Variants in RARB observed in about 807,000 individuals in gnomAD.
RARB encodes the protein HBV-activated protein.
In RARB, 17 loss-of-function variants were observed where a neutral mutation model predicts 51.9. That is an observed-to-expected ratio of 0.33 (90% CI 0.22 to 0.49). The LOEUF is 0.49. RARB is among the 20% of genes least tolerant of loss of function. The pLI, the probability that RARB is intolerant of heterozygous loss-of-function variation, is 0.99. For missense variants in RARB, 369 were observed against 550.8 expected, an observed-to-expected ratio of 0.67 and a Z score of 3.30; for synonymous variants, 215 against 195.4, an observed-to-expected ratio of 1.10 and a Z score of -0.84.
At chr3:25,139,838 T>C (rs1329659822) in intron 4 of RARB, among the ~76,000 whole-genome samples, 1 of 152,182 alleles carries the variant, frequency 6.6e-6, no homozygotes, top group African/African-American at 2.4e-5. Context: ...CTGATGACTT[T>C]AAGCCAATGC....
At chr3:25,474,426 A>G (rs1695852212) in intron 2 of RARB, among the ~76,000 whole-genome samples, 3 of 152,234 alleles carry the variant, frequency 2.0e-5, no homozygotes, top group Admixed American at 2.0e-4. Flanking sequence ...TCATTAACAT[A>G]AATAAATTCA....
intron 2 of RARB, among the ~76,000 whole-genome samples, chr3:25,025,850 C>A (rs557587148): frequency 6.6e-6 from 1 of 152,006 alleles, no homozygotes; most frequent in Non-Finnish European, 1.5e-5. Context: ...TTGCAAAACG[C>A]ATTATAAGGA....
At chr3:25,113,563 C>G (rs900316386) in intron 3 of RARB, among the ~76,000 whole-genome samples, 4 of 152,132 alleles carry the variant, frequency 2.6e-5, no homozygotes, top group Non-Finnish European at 5.9e-5. Flanking sequence ...CAGCTTCCTG[C>G]TAGTAATTGA....
intron 5 of RARB, among the ~76,000 whole-genome samples, chr3:25,215,645 G>A (rs76128895): frequency 3.3e-5 from 5 of 152,112 alleles, no homozygotes; most frequent in African/African-American, 1.2e-4. Flanking sequence ...GTATTAAGGG[G>A]ATCCTTTCTC....
chr3:25,262,425 A>G (rs1575267540), intron 5 of RARB, among the ~76,000 whole-genome samples: 1 of 152,196 alleles, frequency 6.6e-6, no homozygotes, highest in Non-Finnish European at 1.5e-5. Flanking sequence ...CAAATTTATT[A>G]CAGTTCTGCA....
Position 24,882,891 on chromosome 3 carries a change from A to C in RARB, c.-380+24139A>C, listed in dbSNP as rs138157683. On this transcript the variant is annotated intron_variant, in intron 2 of 11. Coordinates refer to the RARB transcript ENST00000383772. ...ATATGACAGAACTCTGACCAATTAC[A>C]CCTAGTTGGGAGAGTCTTCACTGGT... Among the ~76,000 whole-genome samples the C allele has an allele frequency of 1.6e-3, 237 of 152,256 alleles. 1 individual carries two copies. The highest frequency in any genetic ancestry group is 5.1e-3 in the African/African-American group (211 of 41,550).
At chr3:25,372,850 A>G (rs1706342167) in intron 5 of RARB, among the ~76,000 whole-genome samples, 2 of 152,182 alleles carry the variant, frequency 1.3e-5, no homozygotes, top group Admixed American at 6.5e-5. Flanking sequence ...AGAAAAACGT[A>G]AACTTAAAAA....
At chr3:25,042,524 T>A (rs1278110344) in intron 2 of RARB, among the ~76,000 whole-genome samples, 1 of 152,246 alleles carries the variant, frequency 6.6e-6, no homozygotes, top group Non-Finnish European at 1.5e-5. Context: ...TTCCTTGTTA[T>A]CTGAAGCTGT....
At chr3:25,112,365 T>G (rs1699617647) in intron 3 of RARB, among the ~76,000 whole-genome samples, 1 of 152,204 alleles carries the variant, frequency 6.6e-6, no homozygotes, top group African/African-American at 2.4e-5. Context: ...TCAGGCAAGT[T>G]TCTCAATCTT....
At chr3:24,917,780 G>T (rs561446206) in intron 2 of RARB, among the ~76,000 whole-genome samples, 1 of 152,312 alleles carries the variant, frequency 6.6e-6, no homozygotes, top group South Asian at 2.1e-4. Flanking sequence ...GCCTCCTTCG[G>T]CGTCCTAAAG....
intron 5 of RARB, among the ~76,000 whole-genome samples, chr3:25,281,577 G>C (rs1703523848): frequency 6.6e-6 from 1 of 152,150 alleles, no homozygotes; most frequent in South Asian, 2.1e-4. Flanking sequence ...GGATCTGTAG[G>C]CCAAACAAAT....
At chr3:24,874,566 C>T (rs1575047530) in intron 2 of RARB, among the ~76,000 whole-genome samples, 2 of 152,018 alleles carry the variant, frequency 1.3e-5, no homozygotes, top group South Asian at 2.1e-4. Context: ...CTCTGTATTG[C>T]TAGTCATGCT....
chr3:25,124,241 G>A (rs1388488488), intron 3 of RARB, among the ~76,000 whole-genome samples: 1 of 152,126 alleles, frequency 6.6e-6, no homozygotes, highest in Non-Finnish European at 1.5e-5. Context: ...GGGTGTCATG[G>A]CAGGCATTTG....
chr3:25,239,064 T>A (rs1209465865), intron 5 of RARB, among the ~76,000 whole-genome samples: 1 of 152,204 alleles, frequency 6.6e-6, no homozygotes, highest in African/African-American at 2.4e-5. Flanking sequence ...TTAGTGATGT[T>A]GAACATTTTT....
intron 3 of RARB, among the ~76,000 whole-genome samples, chr3:25,509,542 A>G (rs1697785528): frequency 6.6e-6 from 1 of 152,278 alleles, no homozygotes; most frequent in Admixed American, 6.5e-5. Flanking sequence ...CCTTAAAAAT[A>G]AAGTTTGCAA....
At chr3:25,333,381 C>T (rs542474087) in intron 5 of RARB, among the ~76,000 whole-genome samples, 42 of 152,156 alleles carry the variant, frequency 2.8e-4, no homozygotes, top group Non-Finnish European at 4.3e-4. Flanking sequence ...CACACATCTA[C>T]GACCATCTAG....
In RARB at chr3:25,421,403, C is replaced by CTTTTTTTTT. The variant is rs766378555; in HGVS notation, c.179-39770_179-39762dup. Reference sequence around the variant, plus strand: ...TTGCACTAACATTTTTTCTTCTTTTCTTTTTTTTTTTTTTTTTTTTTTTTT... The same window carrying CTTTTTTTTT: ...TTGCACTAACATTTTTTCTTCTTTTCTTTTTTTTTTTTTTTTTTTTTTTTTTTTTTTTTT... On this transcript the variant is annotated intron_variant, in intron 5 of 11. Transcript: ENST00000383772. Among the ~76,000 whole-genome samples the CTTTTTTTTT allele has an allele frequency of 6.4e-3, 462 of 72,360 alleles. 16 individuals are homozygous for CTTTTTTTTT. Among genetic ancestry groups the CTTTTTTTTT allele is most frequent in the African/African-American group, 0.018 (281 of 15,498 alleles). 47.5% of individuals were successfully genotyped at this position (72,360 alleles called of 152,430 possible).
intron 5 of RARB, among the ~76,000 whole-genome samples, chr3:25,236,827 A>G (rs1575243613): frequency 6.6e-6 from 1 of 151,848 alleles, no homozygotes; most frequent in African/African-American, 2.4e-5. Context: ...AACTTTTTTG[A>G]ATGTAAGTAT....
intron 2 of RARB, among the ~76,000 whole-genome samples, chr3:24,968,644 A>AACAT (rs1484287971): frequency 6.6e-6 from 1 of 152,100 alleles, no homozygotes; most frequent in African/African-American, 2.4e-5. Flanking sequence ...GTACATGGAT[A>AACAT]ACATCTCTTT....
Sources: gnomAD v4.1 joint callset for allele counts (sites outside exome capture counted in the v4.1 genomes callset) on GRCh38, gnomAD v4.1.1 for gene constraint, MANE v1.5 for transcripts, NCBI Gene and HGNC (gene_info 2026-07-23, HGNC 2026-07-21) for gene names.